Variants in DOCK1 observed in about 807,000 individuals in gnomAD.
DOCK1 encodes the protein dedicator of cytokinesis 1.
A neutral mutation model predicts 262.7 loss-of-function variants in DOCK1; 138 were observed. The ratio of observed to expected loss-of-function variants is 0.53; its 90% CI spans 0.46 to 0.61. The LOEUF is 0.61. Among genes scored for constraint, DOCK1 ranks in the 20% least tolerant of loss-of-function variants. The pLI, the probability that DOCK1 is intolerant of heterozygous loss-of-function variation, is 0.00. For missense variants in DOCK1, 1,908 were observed against 2,370.7 expected, an observed-to-expected ratio of 0.80 and a Z score of 4.05; for synonymous variants, 866 against 867.4, an observed-to-expected ratio of 1.00 and a Z score of 0.03.
intron 29 of DOCK1, among the ~76,000 whole-genome samples, chr10:127,326,739 C>T (rs906789154): frequency 6.6e-6 from 1 of 152,174 alleles, no homozygotes; most frequent in Non-Finnish European, 1.5e-5. Context: ...TTACTTTGGT[C>T]AGATCCATTA....
At chr10:126,992,673 C>T (rs1392084660) in intron 6 of DOCK1, among the ~76,000 whole-genome samples, 2 of 151,332 alleles carry the variant, frequency 1.3e-5, no homozygotes, top group Non-Finnish European at 2.9e-5. Context: ...GGTCTTGGAC[C>T]ATATCTCTAG....
At chr10:127,303,199 T>G (rs1311490205) in intron 29 of DOCK1, among the ~76,000 whole-genome samples, 4 of 152,084 alleles carry the variant, frequency 2.6e-5, no homozygotes, top group Non-Finnish European at 4.4e-5. Flanking sequence ...GTGGGGCAGG[T>G]GACAGTCAGT....
rs2135513283 is a variant in DOCK1, at chr10:127,313,431, A to G, written c.3045-25575A>G. 2.0e-5 allele frequency among the ~76,000 whole-genome samples: 3 copies of G among 152,360 alleles called. No individual in the cohort carries two copies. In the Middle Eastern group the frequency reaches 0.01, roughly 518 times the overall value. ...TACAAGCACTGGACTTTTAGGGAAC[A>G]GCATTTAAGCCATAGCGAGAAAATA... On this transcript the variant is annotated intron_variant, in intron 29 of 51. Coordinates refer to ENST00000623213, the MANE Select transcript of DOCK1 (RefSeq NM_001290223.2).
rs754489261 is a variant in DOCK1, at chr10:127,260,780, GGTGTGT to G, written c.3044+3358_3044+3363del. 4.9e-5 allele frequency among the ~76,000 whole-genome samples: 4 copies of G among 81,748 alleles called. No homozygotes were observed. In the Admixed American group the frequency reaches 5.2e-4, roughly 11 times the overall value. The allele number at this position is 81,748 out of a possible 152,430, so 53.6% of individuals were successfully genotyped here. A position where few individuals can be genotyped will look rare whatever the true frequency, so the allele number is the denominator to read the frequency against. On this transcript the variant is annotated intron_variant, in intron 29 of 51. Transcript: ENST00000623213. The stretch of plus-strand genomic sequence containing the variant: ...GTGCTCATCTGTGTGTGTGCATGTG[GGTGTGT>G]GTGTGTACCCGTGCTCATCTGTGTG...
chr10:127,113,715 A>G (rs1286806800), intron 25 of DOCK1, among the ~76,000 whole-genome samples: 1 of 152,144 alleles, frequency 6.6e-6, no homozygotes, highest in Non-Finnish European at 1.5e-5. Context: ...TGTCAAAGCA[A>G]GACAGCTCTG....
chr10:127,180,618 A>T (rs2055634665), intron 27 of DOCK1, among the ~76,000 whole-genome samples: 4 of 152,370 alleles, frequency 2.6e-5, no homozygotes, highest in Admixed American at 2.6e-4. Context: ...TTAGTGACGG[A>T]GAACCATCTC....
chr10:127,310,248 T>A (rs1197532477), intron 29 of DOCK1, among the ~76,000 whole-genome samples: 1 of 152,066 alleles, frequency 6.6e-6, no homozygotes, highest in Non-Finnish European at 1.5e-5. Context: ...GCCTGTTGTA[T>A]GCCATACCCC....
At chr10:127,031,511 A>G in intron 16 of DOCK1, 139 bp from the exon 17 acceptor site, 1 of 591,160 alleles carries the variant, frequency 1.7e-6, no homozygotes, top group Middle Eastern at 3.7e-4. Flanking sequence ...TTTTCCATAT[A>G]TTTATTAGAT....
rs1477823877 is a variant in DOCK1, at chr10:127,362,898, CAT to C, written c.3432+687_3432+688del. Among the ~76,000 whole-genome samples the C allele has an allele frequency of 6.1e-4, 82 of 134,536 alleles. 1 individual carries two copies. The highest frequency in any genetic ancestry group is 1.8e-3 in the African/African-American group (56 of 30,810). The allele number at this position is 134,536 out of a possible 152,430, so 88.3% of individuals were successfully genotyped here. A position where few individuals can be genotyped will look rare whatever the true frequency, so the allele number is the denominator to read the frequency against. On this transcript the variant is annotated intron_variant, in intron 33 of 51. Transcript: ENST00000623213. ...ACATACACATCCCCACACACACACA[CAT>C]GTACATCTCCACACACACATATACA...
rs200513795 is a variant in DOCK1 at position 126,998,273 on chromosome 10, G to A, written c.767+24G>A. The A allele has an allele frequency of 1.8e-3, 2,860 of 1,612,924 alleles. 21 individuals are homozygous for A. The highest frequency in any genetic ancestry group is 1.2e-3 in the Admixed American group (72 of 59,978). On this transcript the variant is annotated intron_variant, in intron 8 of 51. Coordinates refer to ENST00000623213, the MANE Select transcript of DOCK1 (RefSeq NM_001290223.2). Reference sequence around the variant, plus strand: ...AGGTGGGTGACATTTCTTGGCTGCCGTCTTTCCTCTTTGGTTAGTGTTAGG... The same window carrying A: ...AGGTGGGTGACATTTCTTGGCTGCCATCTTTCCTCTTTGGTTAGTGTTAGG...
At chr10:127,448,667 A>C (rs920174935) in intron 51 of DOCK1, among the ~76,000 whole-genome samples, 2 of 152,118 alleles carry the variant, frequency 1.3e-5, no homozygotes, top group Non-Finnish European at 2.9e-5. Flanking sequence ...ATCCCTCTTC[A>C]TATGTGGACA....
Position 127,439,099 on chromosome 10 carries a change from G to A in DOCK1, c.5133G>A (p.Leu1711=). 1.9e-6 allele frequency: 3 copies of A among 1,572,040 alleles called. No homozygotes were observed. The highest frequency in any genetic ancestry group is 1.2e-5 in the South Asian group (1 of 85,294). ...RSQDKLDKDD[L]EKEKKDKKKE... ...AGGACAAGCTGGACAAGGATGACCTGGAGAAGGAGAAGAAGGACAAGAAGA... is the reference window on the plus strand; with the variant it reads ...AGGACAAGCTGGACAAGGATGACCTAGAGAAGGAGAAGAAGGACAAGAAGA... Residue 1711 remains leucine (L), a synonymous_variant, in exon 49 of 52, where the codon CTG becomes CTA. Transcript: ENST00000623213.
chr10:127,060,893 G>A (rs544551286), intron 22 of DOCK1, among the ~76,000 whole-genome samples: 3 of 152,314 alleles, frequency 2.0e-5, no homozygotes, highest in African/African-American at 7.2e-5. Flanking sequence ...TTTAGGCAAT[G>A]GAGTGTGTTG....
intron 25 of DOCK1, among the ~76,000 whole-genome samples, chr10:127,115,039 G>C (rs963558003): frequency 6.6e-6 from 1 of 152,134 alleles, no homozygotes; most frequent in Admixed American, 6.5e-5. Context: ...ACAGGCATGA[G>C]CCACCGCGCC....
intron 27 of DOCK1, among the ~76,000 whole-genome samples, chr10:127,224,763 A>G (rs1047038558): frequency 6.6e-6 from 1 of 151,812 alleles, no homozygotes; most frequent in African/African-American, 2.4e-5. Flanking sequence ...ATATGTATCT[A>G]TATATTATCT....
chr10:127,369,714 C>T (rs1466319749), intron 33 of DOCK1, among the ~76,000 whole-genome samples: 2 of 152,142 alleles, frequency 1.3e-5, no homozygotes, highest in African/African-American at 4.8e-5. Context: ...ATGAGTGTTT[C>T]ACAGGAGCTC....
chr10:127,427,798 G>T (rs1018510205), intron 47 of DOCK1, among the ~76,000 whole-genome samples: 3 of 152,254 alleles, frequency 2.0e-5, no homozygotes, highest in Admixed American at 6.5e-5. Flanking sequence ...CCCCGCCTCT[G>T]CCGGGCATGA....
At chr10:127,030,225 G>A (rs527891255) in intron 16 of DOCK1, among the ~76,000 whole-genome samples, 4 of 152,248 alleles carry the variant, frequency 2.6e-5, no homozygotes, top group Admixed American at 6.5e-5. Flanking sequence ...GAGAAAGCTC[G>A]GAATCTGTAA....
intron 23 of DOCK1, among the ~76,000 whole-genome samples, chr10:127,079,708 A>T (rs559457806): frequency 1.3e-5 from 2 of 152,286 alleles, no homozygotes; most frequent in Non-Finnish European, 2.9e-5. Flanking sequence ...AGGAGGGCGG[A>T]TCACCTGAGG....
Sources: allele counts gnomAD v4.1 joint callset (sites outside exome capture counted in the v4.1 genomes callset), GRCh38; gene constraint gnomAD v4.1.1; transcripts MANE v1.5; gene names NCBI Gene and HGNC (gene_info 2026-07-23, HGNC 2026-07-21).